The following SLC9A9 variants were observed in gnomAD, a reference collection of about 807,000 sequenced individuals.
SLC9A9 encodes solute carrier family 9 member A9.
In SLC9A9, 62 loss-of-function variants were observed where a neutral mutation model predicts 77.8. That is an observed-to-expected ratio of 0.80 (90% CI 0.65 to 0.98). SLC9A9 has a LOEUF of 0.98. Among genes scored for constraint, SLC9A9 ranks in the 50% least tolerant of loss-of-function variants. The probability of loss-of-function intolerance (pLI) is 0.00; values close to 1 mark genes in which losing one functional copy is unlikely to be tolerated. For missense variants in SLC9A9, 775 were observed against 774.9 expected (o/e 1.00, Z 0.00); for synonymous variants, 320 against 283.5 (o/e 1.13, Z -1.29).
rs1334086887 is a variant in SLC9A9, at chr3:143,455,420, T to C, written c.1469+11617A>G. On this transcript the variant is annotated intron_variant, in intron 12 of 15. Transcript: ENST00000316549. ...TAGTTACTCTGCATTTCTTTCTAAA[T>C]TTAAAAATCAGTTTGCCTGTATCTA... Among the ~76,000 whole-genome samples the C allele has an allele frequency of 2.6e-5, 4 of 152,334 alleles. No homozygotes were observed. In the East Asian group the frequency reaches 5.8e-4, roughly 22 times the overall value.
At chr3:143,666,353 G>T (rs57630925) in intron 5 of SLC9A9, among the ~76,000 whole-genome samples, 22,257 of 152,044 alleles carry the variant, frequency 0.15, 2,383 homozygotes, top group African/African-American at 0.31. Flanking sequence ...TAAGAGCTAT[G>T]TATGACAAAC....
rs186779888 is a variant in SLC9A9 at position 143,492,185 on chromosome 3, A to G, written c.1315+1468T>C. 9.9e-4 allele frequency among the ~76,000 whole-genome samples: 150 copies of G among 151,736 alleles called. 3 individuals carry two copies. The East Asian group carries it at 0.022, about 22-fold the overall frequency. Reference sequence around the variant, plus strand: ...CAGGCGCCTGTAGTCCCAGCTACTCAGGAGGCTGAGGCAGAAGAATGACAT... The same window carrying G: ...CAGGCGCCTGTAGTCCCAGCTACTCGGGAGGCTGAGGCAGAAGAATGACAT... On this transcript the variant is annotated intron_variant, in intron 11 of 15. Coordinates refer to ENST00000316549, the MANE Select transcript of SLC9A9 (RefSeq NM_173653.4).
At chr3:143,698,170 G>A (rs966400871) in intron 4 of SLC9A9, 1 of 153,688 alleles carries the variant, frequency 6.5e-6, no homozygotes, top group African/African-American at 2.4e-5. Flanking sequence ...AGATTCTGGT[G>A]AAGTCTAGTG....
In SLC9A9 at chr3:143,810,789, A is replaced by G. The variant is rs73869025; in HGVS notation, c.379-13886T>C. Among the ~76,000 whole-genome samples the G allele has an allele frequency of 3.3e-3, 505 of 152,294 alleles. 1 individual carries two copies. Among genetic ancestry groups the G allele is most frequent in the African/African-American group, 0.011 (465 of 41,554 alleles). ...TGCTTTATTCATTAGAAATTTAACAACCCTCTTTTTGCTGCGAAGCACTTG... is the reference window on the plus strand; with the variant it reads ...TGCTTTATTCATTAGAAATTTAACAGCCCTCTTTTTGCTGCGAAGCACTTG... On this transcript the variant is annotated intron_variant, in intron 2 of 15. Transcript: ENST00000316549.
intron 5 of SLC9A9, among the ~76,000 whole-genome samples, chr3:143,670,509 G>T (rs2039140553): frequency 6.6e-6 from 1 of 152,218 alleles, no homozygotes; most frequent in South Asian, 2.1e-4. Context: ...ACACTCCAAA[G>T]AGTATCTGAG....
chr3:143,839,628 A>G (rs2009658747), intron 1 of SLC9A9, among the ~76,000 whole-genome samples: 1 of 152,132 alleles, frequency 6.6e-6, no homozygotes, highest in East Asian at 1.9e-4. Context: ...CACAACACAT[A>G]CACATATACA....
intron 5 of SLC9A9, among the ~76,000 whole-genome samples, chr3:143,665,547 G>GA (rs1553777375): frequency 6.6e-6 from 1 of 151,822 alleles, no homozygotes; most frequent in Non-Finnish European, 1.5e-5. Context: ...CCAGGAGCTA[G>GA]TTTTTTTTGA....
At chr3:143,728,517 C>T (rs987340650) in intron 4 of SLC9A9, among the ~76,000 whole-genome samples, 1 of 151,960 alleles carries the variant, frequency 6.6e-6, no homozygotes, top group African/African-American at 2.4e-5. Context: ...GAAGGCAGTG[C>T]CTTGCCAGTG....
chr3:143,783,520 T>C (rs1332736240), intron 4 of SLC9A9, among the ~76,000 whole-genome samples: 2 of 152,138 alleles, frequency 1.3e-5, no homozygotes, highest in Non-Finnish European at 2.9e-5. Context: ...ACTTGATCAA[T>C]AGGACAATAG....
intron 14 of SLC9A9, among the ~76,000 whole-genome samples, chr3:143,280,968 T>C (rs1406369584): frequency 2.6e-5 from 4 of 152,256 alleles, no homozygotes; most frequent in Non-Finnish European, 5.9e-5. Context: ...CCATTCCATT[T>C]GTCTTCTACT....
At chr3:143,655,681 TACACACACACACAC>T in intron 5 of SLC9A9, 3 of 626,134 alleles carry the variant, frequency 4.8e-6, no homozygotes, top group Non-Finnish European at 5.9e-6. Context: ...CATGCACATG[TACACACACACACAC>T]ACACACACAC....
At chr3:143,798,422 C>T (rs764462254) in intron 2 of SLC9A9, among the ~76,000 whole-genome samples, 14 of 152,074 alleles carry the variant, frequency 9.2e-5, no homozygotes, top group Admixed American at 7.2e-4. Context: ...ATTGCGGGGA[C>T]GCCTGCTTTG....
chr3:143,342,821 C>G lies in SLC9A9; in HGVS notation c.1604+20663G>C, dbSNP rs16853462. Among the ~76,000 whole-genome samples, 1,513 of 152,328 alleles carry G rather than the reference C, an allele frequency of 9.9e-3. 74 individuals are homozygous for G. Among genetic ancestry groups the G allele is most frequent in the East Asian group, 0.082 (427 of 5,182 alleles). On this transcript the variant is annotated intron_variant, in intron 14 of 15. Transcript: ENST00000316549. ...GGTGTATCTGGTGCATGTTCAACCT[C>G]AGGTGCAGGTGCATGTGCATGCAAA...
intron 12 of SLC9A9, 87 bp downstream of exon 12, chr3:143,466,950 G>C: frequency 2.7e-6 from 4 of 1,507,788 alleles, no homozygotes; most frequent in Non-Finnish European, 3.6e-6. Flanking sequence ...ACCTGCCACT[G>C]TACTATTGAC....
At chr3:143,664,946 G>T (rs2039040186) in intron 5 of SLC9A9, among the ~76,000 whole-genome samples, 1 of 152,250 alleles carries the variant, frequency 6.6e-6, no homozygotes, top group South Asian at 2.1e-4. Flanking sequence ...AGTTAACAAG[G>T]ATATCCAGGA....
At chr3:143,841,152 T>C (rs1354936970) in intron 1 of SLC9A9, among the ~76,000 whole-genome samples, 4 of 152,102 alleles carry the variant, frequency 2.6e-5, no homozygotes, top group Non-Finnish European at 1.5e-5. Flanking sequence ...CTCTCAGTGT[T>C]GGTTTCCTTA....
At chr3:143,365,706 T>C (rs2032882002) in intron 13 of SLC9A9, among the ~76,000 whole-genome samples, 2 of 152,216 alleles carry the variant, frequency 1.3e-5, no homozygotes, top group South Asian at 4.1e-4. Flanking sequence ...ATTTCTATCC[T>C]TCCCTATACC....
intron 4 of SLC9A9, among the ~76,000 whole-genome samples, chr3:143,696,482 T>G (rs1353073703): frequency 6.6e-6 from 1 of 152,188 alleles, no homozygotes; most frequent in East Asian, 1.9e-4. Flanking sequence ...ATAACTGTTA[T>G]CTACATTACT....
intron 13 of SLC9A9, among the ~76,000 whole-genome samples, chr3:143,368,363 G>A (rs1175482706): frequency 6.6e-6 from 1 of 152,116 alleles, no homozygotes; most frequent in African/African-American, 2.4e-5. Flanking sequence ...AAGCAAGAAG[G>A]GATTGTTTAT....
Sources: gnomAD v4.1 joint callset for allele counts (sites outside exome capture counted in the v4.1 genomes callset) on GRCh38, gnomAD v4.1.1 for gene constraint, MANE v1.5 for transcripts, NCBI Gene and HGNC (gene_info 2026-07-23, HGNC 2026-07-21) for gene names.